The following GRAMD4 variants were observed in gnomAD, a reference collection of about 807,000 sequenced individuals.
The protein encoded by GRAMD4 is GRAM domain containing 4.
In GRAMD4, 25 loss-of-function variants were observed where a neutral mutation model predicts 83.9. That is an observed-to-expected ratio of 0.30 (90% CI 0.22 to 0.42). The LOEUF is 0.42. Ranked by LOEUF, GRAMD4 falls within the 10% of genes least tolerant of loss-of-function variation. The pLI is 1.00. For missense variants in GRAMD4, 593 were observed against 788.7 expected (o/e 0.75, Z 2.97); for synonymous variants, 336 against 320.9 (o/e 1.05, Z -0.50).
At chr22:46,608,087 G>A (rs560168101) in intron 1 of GRAMD4, among the ~76,000 whole-genome samples, 11 of 152,218 alleles carry the variant, frequency 7.2e-5, no homozygotes, top group Non-Finnish European at 1.5e-4. Context: ...TTAGTGCGTG[G>A]CTCGGTCATT....
At chr22:46,661,647 C>T (rs1379549431) in intron 5 of GRAMD4, among the ~76,000 whole-genome samples, 9 of 152,354 alleles carry the variant, frequency 5.9e-5, no homozygotes, top group South Asian at 2.1e-4. Flanking sequence ...GTCTCTGATG[C>T]GAAGTGGTGA....
chr22:46,591,859 A>C, intron 1 of GRAMD4, among the ~76,000 whole-genome samples: 1 of 145,964 alleles, frequency 6.9e-6, no homozygotes, highest in African/African-American at 2.5e-5. Context: ...AAAACCCAGA[A>C]AGGCCAACCC....
Position 46,679,414 on chromosome 22 carries a change from C to T in GRAMD4, c.*2163C>T. On this transcript the variant is annotated 3_prime_UTR_variant, in exon 19 of 19. Coordinates refer to ENST00000406902, the MANE Select transcript of GRAMD4 (RefSeq NM_015124.5). ...GGGGGAGGGCCACCGACTGGCTCTGCTGCCAGCACAGGCCCCTCCCTGGAA... is the reference window on the plus strand; with the variant it reads ...GGGGGAGGGCCACCGACTGGCTCTGTTGCCAGCACAGGCCCCTCCCTGGAA... 1.0e-6 allele frequency: 1 copy of T among 985,500 alleles called. No individual in the cohort carries two copies. Among genetic ancestry groups the T allele is most frequent in the Non-Finnish European group, 1.2e-6 (1 of 829,950 alleles). The allele number at this position is 985,500 out of a possible 1,614,324, so 61.0% of individuals were successfully genotyped here. A position where few individuals can be genotyped will look rare whatever the true frequency, so the allele number is the denominator to read the frequency against.
At chr22:46,682,227 G>A (rs1428461457), downstream of GRAMD4, among the ~76,000 whole-genome samples, 1 of 152,202 alleles carries the variant, frequency 6.6e-6, no homozygotes, top group East Asian at 1.9e-4. Context: ...ATGGGCAGCT[G>A]ACCACTCCCT....
chr22:46,577,956 G>A (rs186506413), intron 1 of GRAMD4, among the ~76,000 whole-genome samples: 2 of 152,266 alleles, frequency 1.3e-5, no homozygotes, highest in East Asian at 1.9e-4. Context: ...CTGCACCCCT[G>A]CCAGGTCCTG....
chr22:46,616,117 T>C (rs1369473424), upstream of GRAMD4, among the ~76,000 whole-genome samples: 3 of 134,510 alleles, frequency 2.2e-5, no homozygotes, highest in South Asian at 2.7e-4. Context: ...TAGGTTCCCC[T>C]GTGCGTGCAG....
upstream of GRAMD4, among the ~76,000 whole-genome samples, chr22:46,616,806 G>A (rs1601567198): frequency 7.1e-6 from 1 of 141,308 alleles, no homozygotes; most frequent in Non-Finnish European, 1.5e-5. Flanking sequence ...GTTCCCCTGT[G>A]TGTGTAGGTT....
At position 46,659,642 on chromosome 22, in the gene GRAMD4, T is replaced by A. The variant is rs1367351866; in HGVS notation, c.404+1335T>A. ...GTGTGTGGGAAGACGGGGGATCCGC[T>A]GGGCTGACTCCCACTTCTTCCTTGC... On this transcript the variant is annotated intron_variant, in intron 4 of 18. Transcript: ENST00000406902. This position sits in a 1 kb window ranked among gnomAD's most constrained non-coding sequence, Gnocchi z 4.1. 6.6e-6 allele frequency among the ~76,000 whole-genome samples: 1 copy of A among 152,146 alleles called. No homozygotes were observed. Among genetic ancestry groups the A allele is most frequent in the African/African-American group, 2.4e-5 (1 of 41,420 alleles).
intron 13 of GRAMD4, among the ~76,000 whole-genome samples, chr22:46,671,362 G>A (rs139977084): frequency 0.11 from 17,301 of 152,210 alleles, 1,109 homozygotes; most frequent in Middle Eastern, 0.18. Context: ...AGCCAACATG[G>A]TGAAACCCCG....
intron 18 of GRAMD4, 98 bp from the exon 19 acceptor site, chr22:46,677,049 C>T (rs981984711): frequency 8.9e-5 from 124 of 1,400,076 alleles, no homozygotes; most frequent in Non-Finnish European, 1.0e-4. Flanking sequence ...ACGTGACTAG[C>T]GTGCTGGCCT....
downstream of GRAMD4, among the ~76,000 whole-genome samples, chr22:46,680,697 CCCAT>C (rs1462493497): frequency 2.6e-4 from 30 of 116,144 alleles, no homozygotes; most frequent in Non-Finnish European, 3.8e-4. Flanking sequence ...TATTCATCCA[CCCAT>C]CCATCCATCC....
intron 1 of GRAMD4, among the ~76,000 whole-genome samples, chr22:46,612,798 G>A (rs1408197613): frequency 2.0e-5 from 3 of 152,260 alleles, no homozygotes; most frequent in Non-Finnish European, 2.9e-5. Context: ...AGGACAAGCC[G>A]TGCTGGCCAG....
rs1426823287 is a variant in GRAMD4, at chr22:46,654,509, G to A, written c.284-3678G>A. On this transcript the variant is annotated intron_variant, in intron 3 of 18. Transcript: ENST00000406902. ...AGAGCCGGCCCTCAAGTGGCTCCAC[G>A]AGGGCGGGGGGCTGGGGGCTCGTGC... Among the ~76,000 whole-genome samples, 5 of 152,224 alleles carry A rather than the reference G, an allele frequency of 3.3e-5. No homozygotes were observed. The South Asian group carries it at 8.3e-4, about 25-fold the overall frequency.
intron 4 of GRAMD4, 89 bp downstream of exon 4, chr22:46,658,396 G>A: frequency 1.6e-6 from 2 of 1,235,256 alleles, no homozygotes; most frequent in Non-Finnish European, 2.2e-6. Flanking sequence ...TGCACCCATA[G>A]CGTCTTGGCA....
intron 3 of GRAMD4, among the ~76,000 whole-genome samples, chr22:46,652,676 A>G (rs1312716194): frequency 6.6e-6 from 1 of 151,988 alleles, no homozygotes; most frequent in African/African-American, 2.4e-5. Flanking sequence ...AAGGAGGCCC[A>G]CTCCGGAGGC....
chr22:46,657,420 G>A (rs999287978), intron 3 of GRAMD4, among the ~76,000 whole-genome samples: 2 of 152,210 alleles, frequency 1.3e-5, no homozygotes, highest in African/African-American at 2.4e-5. Context: ...AAGCGGGAGA[G>A]AGGCCGGGTC....
At chr22:46,598,794 G>A (rs140748742) in intron 1 of GRAMD4, among the ~76,000 whole-genome samples, 1 of 152,300 alleles carries the variant, frequency 6.6e-6, no homozygotes, top group Non-Finnish European at 1.5e-5. Context: ...GCGGGCCAGC[G>A]GGGAAGGATG....
At chr22:46,600,216 C>T (rs1212658814) in intron 1 of GRAMD4, among the ~76,000 whole-genome samples, 3 of 152,204 alleles carry the variant, frequency 2.0e-5, no homozygotes, top group Non-Finnish European at 4.4e-5. Context: ...CTGGAGCTGT[C>T]ACCCTGTTCC....
intron 3 of GRAMD4, among the ~76,000 whole-genome samples, chr22:46,653,765 C>A (rs1478387582): frequency 6.6e-6 from 1 of 152,158 alleles, no homozygotes; most frequent in Non-Finnish European, 1.5e-5. Flanking sequence ...TTGACAGGGC[C>A]AAGATCAGAG....
Sources: allele counts gnomAD v4.1 joint callset (sites outside exome capture counted in the v4.1 genomes callset), GRCh38; gene constraint gnomAD v4.1.1; non-coding constraint Gnocchi (gnomAD v3.1); transcripts MANE v1.5; gene names NCBI Gene and HGNC (gene_info 2026-07-23, HGNC 2026-07-21).